The following KCNH7 variants were observed in gnomAD, a reference collection of about 807,000 sequenced individuals.
KCNH7 encodes voltage-gated inwardly rectifying potassium channel KCNH7.
KCNH7 carries 49 observed loss-of-function variants against 120.8 expected under a neutral mutation model. The ratio of observed to expected loss-of-function variants is 0.41; its 90% confidence interval spans 0.32 to 0.51. The LOEUF is 0.51. Ranked by LOEUF, KCNH7 falls within the 20% of genes least tolerant of loss-of-function variation. The pLI is 0.38. For missense variants in KCNH7, 1,097 were observed against 1,446.6 expected (o/e 0.76, Z 3.92); for synonymous variants, 547 against 516.1 (o/e 1.06, Z -0.81).
chr2:162,513,364 T>G (rs867482441), intron 4 of KCNH7, among the ~76,000 whole-genome samples: 101 of 132,160 alleles, frequency 7.6e-4, no homozygotes, highest in South Asian at 4.7e-3. Context: ...CTTCTTTCCT[T>G]CCTTCCTTCC....
intron 2 of KCNH7, among the ~76,000 whole-genome samples, chr2:162,739,989 T>G (rs1298896084): frequency 6.6e-6 from 1 of 152,146 alleles, no homozygotes; most frequent in Non-Finnish European, 1.5e-5. Context: ...AGGAGCCAAG[T>G]AGTTCACAGA....
At chr2:162,722,129 CAT>C (rs1366654111) in intron 2 of KCNH7, among the ~76,000 whole-genome samples, 1 of 151,758 alleles carries the variant, frequency 6.6e-6, no homozygotes, top group Non-Finnish European at 1.5e-5. Flanking sequence ...ATGAAAGAAA[CAT>C]ATAGACACTT....
At chr2:162,797,288 G>A (rs748885970) in intron 2 of KCNH7, 3 of 151,996 alleles carry the variant, frequency 2.0e-5, no homozygotes, top group Non-Finnish European at 4.4e-5. Flanking sequence ...TTATTGCATT[G>A]GTAATTCTTG....
Position 162,384,868 on chromosome 2 carries a change from C to T in KCNH7, c.2782G>A (p.Glu928Lys), listed in dbSNP as rs1686529188. ...GATGAGGATCTGCTTTTTTTCTCTTCAAAGTGTCTCTTGGAACTCTGATAA... is the reference window on the plus strand; with the variant it reads ...GATGAGGATCTGCTTTTTTTCTCTTTAAAGTGTCTCTTGGAACTCTGATAA... ...RHYQSSKRHF[E>K]EKKSRSSSFI... The change falls in exon 13 of 16, where the codon GAA becomes AAA. Residue 928 changes from glutamate (E) to lysine (K), a missense_variant. Physicochemically the swap from Glu to Lys is moderately conservative, Grantham distance 56. Around this residue, in one of 8 missense-constraint regions of KCNH7, gnomAD observed 406 missense variants for 410.5 expected, o/e 0.99. Transcript: ENST00000332142. 1 of 1,612,506 alleles carries T rather than the reference C, an allele frequency of 6.2e-7. No individual in the cohort carries two copies. Among genetic ancestry groups the T allele is most frequent in the Non-Finnish European group, 8.5e-7 (1 of 1,178,890 alleles).
At chr2:162,519,413 A>C (rs1355507299) in intron 3 of KCNH7, among the ~76,000 whole-genome samples, 2 of 151,880 alleles carry the variant, frequency 1.3e-5, no homozygotes, top group African/African-American at 2.4e-5. Flanking sequence ...TCATCAAAAA[A>C]ACAAAAGCTT....
intron 2 of KCNH7, among the ~76,000 whole-genome samples, chr2:162,571,954 C>T (rs1232614893): frequency 2.0e-5 from 3 of 151,578 alleles, no homozygotes; most frequent in Non-Finnish European, 4.4e-5. Flanking sequence ...TAGAAGAAAA[C>T]CTAGGCATTA....
intron 14 of KCNH7, among the ~76,000 whole-genome samples, chr2:162,375,442 G>A (rs1384814217): frequency 6.6e-6 from 1 of 152,176 alleles, no homozygotes; most frequent in Non-Finnish European, 1.5e-5. Flanking sequence ...TCTATTGGAA[G>A]GTGAGGCTTC....
chr2:162,645,763 A>C lies in KCNH7; in HGVS notation c.308-108683T>G, dbSNP rs183043401. 6.6e-5 allele frequency among the ~76,000 whole-genome samples: 10 copies of C among 152,238 alleles called. No homozygotes were observed. The East Asian group carries it at 1.9e-3, about 29-fold the overall frequency. ...ATGGGTAGAATGTACAACAGTATCC[A>C]TTTCCTCCAGCTCTCTGTCCTCTTT... On this transcript the variant is annotated intron_variant, in intron 2 of 15. Coordinates refer to ENST00000332142, the MANE Select transcript of KCNH7 (RefSeq NM_033272.4).
intron 2 of KCNH7, among the ~76,000 whole-genome samples, chr2:162,830,479 A>G (rs1029621671): frequency 6.6e-6 from 1 of 152,142 alleles, no homozygotes; most frequent in Non-Finnish European, 1.5e-5. Context: ...CATAGATTAT[A>G]TTCTCCAAAT....
intron 8 of KCNH7, among the ~76,000 whole-genome samples, chr2:162,434,165 T>C (rs1024994832): frequency 6.6e-5 from 10 of 152,052 alleles, no homozygotes; most frequent in Admixed American, 6.6e-4. Context: ...CACTTATAAG[T>C]GGAGGCTAAG....
chr2:162,512,623 T>A, intron 5 of KCNH7, 31 bp downstream of exon 5: 3 of 1,603,568 alleles, frequency 1.9e-6, no homozygotes, highest in Non-Finnish European at 1.7e-6. Context: ...AGGTTGAACA[T>A]CAGATGGTGA....
At chr2:162,761,343 C>G (rs186397594) in intron 2 of KCNH7, among the ~76,000 whole-genome samples, 114 of 152,154 alleles carry the variant, frequency 7.5e-4, no homozygotes, top group African/African-American at 2.6e-3. Context: ...CTTCTGACTT[C>G]AAGCTTGGAG....
chr2:162,804,049 A>T (rs1222016620), intron 2 of KCNH7, among the ~76,000 whole-genome samples: 1 of 151,898 alleles, frequency 6.6e-6, no homozygotes, highest in Non-Finnish European at 1.5e-5. Context: ...TGAACTTGAG[A>T]ATAGGTAGTT....
At chr2:162,822,565 C>T (rs1012248741) in intron 2 of KCNH7, among the ~76,000 whole-genome samples, 1 of 152,108 alleles carries the variant, frequency 6.6e-6, no homozygotes, top group Non-Finnish European at 1.5e-5. Flanking sequence ...CCCTTTCAAA[C>T]AGGTAAGGAA....
chr2:162,461,838 T>G (rs1220651872), intron 6 of KCNH7, among the ~76,000 whole-genome samples: 5 of 152,132 alleles, frequency 3.3e-5, no homozygotes, highest in African/African-American at 4.8e-5. Flanking sequence ...GAACATTTAG[T>G]TGGTCTGGTT....
intron 2 of KCNH7, among the ~76,000 whole-genome samples, chr2:162,700,102 T>C (rs1686441746): frequency 6.6e-6 from 1 of 152,172 alleles, no homozygotes; most frequent in African/African-American, 2.4e-5. Context: ...TCTTCGTGTA[T>C]TTCCTTTCCT....
intron 6 of KCNH7, among the ~76,000 whole-genome samples, chr2:162,447,286 A>C (rs764461649): frequency 9.9e-5 from 15 of 152,092 alleles, no homozygotes; most frequent in South Asian, 2.1e-4. Context: ...AATGAAAGCT[A>C]AAGTACAGTT....
At chr2:162,481,042 C>T (rs976482168) in intron 6 of KCNH7, among the ~76,000 whole-genome samples, 12 of 152,036 alleles carry the variant, frequency 7.9e-5, no homozygotes, top group African/African-American at 2.9e-4. Flanking sequence ...GTTTTAATGT[C>T]GACAATGATT....
chr2:162,760,787 A>G (rs1688942017), intron 2 of KCNH7, among the ~76,000 whole-genome samples: 2 of 152,070 alleles, frequency 1.3e-5, no homozygotes, highest in Non-Finnish European at 1.5e-5. Flanking sequence ...TTTTCCCTCT[A>G]AAATATATGC....
Sources: allele counts gnomAD v4.1 joint callset (sites outside exome capture counted in the v4.1 genomes callset), GRCh38; gene constraint gnomAD v4.1.1; regional missense constraint gnomAD v4.1.1; transcripts MANE v1.5; gene names NCBI Gene and HGNC (gene_info 2026-07-23, HGNC 2026-07-21).